The following ZNF362 variants were observed in gnomAD, a reference collection of about 807,000 sequenced individuals.
ZNF362 encodes zinc finger protein 362.
In ZNF362, 11 loss-of-function variants were observed where a neutral mutation model predicts 42.9. The observed-to-expected ratio is 0.26, with a 90% confidence interval of 0.16 to 0.42. ZNF362 has a LOEUF of 0.42. ZNF362 is among the 20% of genes least tolerant of loss of function. The pLI, the probability that ZNF362 is intolerant of heterozygous loss-of-function variation, is 1.00. For missense variants in ZNF362, 362 were observed against 576.2 expected, an observed-to-expected ratio of 0.63 and a Z score of 3.81; for synonymous variants, 255 against 257.3, an observed-to-expected ratio of 0.99 and a Z score of 0.09.
At chr1:33,215,077 A>G in the ZNF362 span, among the ~76,000 whole-genome samples, 1 of 152,362 alleles carries the variant, frequency 6.6e-6, no homozygotes, top group African/African-American at 2.4e-5. Flanking sequence ...ACAATAGCCA[A>G]GATTTGGAAT....
chr1:33,173,582 C>G, the ZNF362 span, among the ~76,000 whole-genome samples: 1 of 152,122 alleles, frequency 6.6e-6, no homozygotes. Context: ...GTGTGCTCAC[C>G]TCCATGCCTG....
the ZNF362 span, among the ~76,000 whole-genome samples, chr1:33,247,376 C>T: frequency 6.6e-6 from 1 of 152,226 alleles, no homozygotes. Flanking sequence ...TGAGCCAGCA[C>T]CCAAAATGCA....
the ZNF362 span, among the ~76,000 whole-genome samples, chr1:33,188,259 T>G: frequency 1.3e-5 from 2 of 149,670 alleles, no homozygotes; most frequent in East Asian, 4.0e-4. Context: ...AACAAACATG[T>G]AAGGACAGGT....
chr1:33,256,150 G>A (rs560228770), upstream of ZNF362, among the ~76,000 whole-genome samples: 7 of 149,408 alleles, frequency 4.7e-5, no homozygotes, highest in South Asian at 1.5e-3. Flanking sequence ...GGCGGGGGGC[G>A]CAGCGCAACT....
At chr1:33,236,550 A>AATATATATATATATAT in the ZNF362 span, among the ~76,000 whole-genome samples, 95 of 5,970 alleles carry the variant, frequency 0.016, 21 homozygotes, top group Non-Finnish European at 0.028. Context: ...AAAAAAAAAA[A>AATATATATATATATAT]ATATATATAT....
At chr1:33,265,449 G>T (rs1390015829) in intron 1 of ZNF362, among the ~76,000 whole-genome samples, 1 of 152,010 alleles carries the variant, frequency 6.6e-6, no homozygotes, top group African/African-American at 2.4e-5. Context: ...TCCCAGCCCC[G>T]TGGGGCTGCG....
In ZNF362 at chr1:33,280,804, C is replaced by T. The variant is rs1183172033; in HGVS notation, c.683+347C>T. ...CCTGAAGAGGCCGTGCACAATGGCT[C>T]ATCCCTGTAATCCCAGCGCTTTGGG... is the stretch of plus-strand genomic sequence containing the variant. On this transcript the variant is annotated intron_variant, in intron 5 of 8. Coordinates refer to ENST00000539719, the MANE Select transcript of ZNF362 (RefSeq NM_152493.3). The surrounding 1 kb of genome is among the most constrained non-coding windows in gnomAD (Gnocchi z 5.6). Among the ~76,000 whole-genome samples the T allele has an allele frequency of 6.6e-6, 1 of 152,176 alleles. No homozygotes were observed. The highest frequency in any genetic ancestry group is 1.5e-5 in the Non-Finnish European group (1 of 68,034).
At chr1:33,183,007 A>C in the ZNF362 span, among the ~76,000 whole-genome samples, 7 of 152,198 alleles carry the variant, frequency 4.6e-5, no homozygotes, top group African/African-American at 1.7e-4. Flanking sequence ...CTGCGGATGC[A>C]CAGCACTCAG....
chr1:33,203,702 C>G, the ZNF362 span, among the ~76,000 whole-genome samples: 46 of 152,014 alleles, frequency 3.0e-4, no homozygotes, highest in Non-Finnish European at 2.9e-4. Flanking sequence ...GGTTTTGATT[C>G]GCATTTCCCT....
the ZNF362 span, among the ~76,000 whole-genome samples, chr1:33,208,117 G>T: frequency 6.6e-6 from 1 of 152,182 alleles, no homozygotes; most frequent in East Asian, 1.9e-4. Flanking sequence ...TGTATAAAGT[G>T]TAAGGAAGGG....
At chr1:33,256,359 G>C (rs1170595360), upstream of ZNF362, among the ~76,000 whole-genome samples, 1 of 143,344 alleles carries the variant, frequency 7.0e-6, no homozygotes, top group Non-Finnish European at 1.5e-5. Flanking sequence ...CCGGAGAGGC[G>C]GGGGCCCGAC....
chr1:33,202,136 T>C, the ZNF362 span, among the ~76,000 whole-genome samples: 2 of 152,192 alleles, frequency 1.3e-5, no homozygotes, highest in African/African-American at 4.8e-5. Flanking sequence ...AGCCTTTCCA[T>C]AAATAAAACT....
At chr1:33,192,002 G>C in the ZNF362 span, among the ~76,000 whole-genome samples, 2 of 152,208 alleles carry the variant, frequency 1.3e-5, no homozygotes, top group Non-Finnish European at 2.9e-5. Context: ...TCTAGCAAAC[G>C]GGAGTGGGAC....
chr1:33,189,004 C>T, the ZNF362 span, among the ~76,000 whole-genome samples: 1 of 152,232 alleles, frequency 6.6e-6, no homozygotes, highest in Non-Finnish European at 1.5e-5. Context: ...GAGCAATCAG[C>T]TGAACTGTTC....
chr1:33,130,683 G>A, the ZNF362 span, among the ~76,000 whole-genome samples: 1 of 152,192 alleles, frequency 6.6e-6, no homozygotes, highest in Non-Finnish European at 1.5e-5. Flanking sequence ...AGGGAGATAA[G>A]TAATATTCGT....
intron 2 of ZNF362, 49 bp downstream of exon 2, chr1:33,270,661 C>T: frequency 6.2e-7 from 1 of 1,600,590 alleles, no homozygotes; most frequent in South Asian, 1.1e-5. Flanking sequence ...AGGGTTTGTT[C>T]TTTGGGGGAT....
chr1:33,132,074 C>A, the ZNF362 span, among the ~76,000 whole-genome samples: 2 of 152,156 alleles, frequency 1.3e-5, no homozygotes, highest in East Asian at 3.8e-4. Flanking sequence ...AATTTGACAT[C>A]CCACATTCCA....
At chr1:33,177,866 ACAT>A in the ZNF362 span, among the ~76,000 whole-genome samples, 2 of 152,176 alleles carry the variant, frequency 1.3e-5, no homozygotes, top group African/African-American at 4.8e-5. This position sits in a 1 kb window ranked among gnomAD's most constrained non-coding sequence, Gnocchi z 4.1. Context: ...GTTTTTATAA[ACAT>A]CATCTTGTTT....
the ZNF362 span, among the ~76,000 whole-genome samples, chr1:33,178,321 A>G: frequency 6.6e-6 from 1 of 152,202 alleles, no homozygotes; most frequent in African/African-American, 2.4e-5. Context: ...ATAGCTAATA[A>G]GCCTTGCCTT....
Sources: allele counts gnomAD v4.1 joint callset (sites outside exome capture counted in the v4.1 genomes callset), GRCh38; gene constraint gnomAD v4.1.1; non-coding constraint Gnocchi (gnomAD v3.1); transcripts MANE v1.5; gene names NCBI Gene and HGNC (gene_info 2026-07-23, HGNC 2026-07-21).